AGAP1: variants seen among roughly 807,000 people sequenced by gnomAD.
AGAP1 encodes the protein arf-GAP with GTPase, ANK repeat and PH domain-containing protein 1.
A neutral mutation model predicts 105.3 loss-of-function variants in AGAP1; 29 were observed. The observed-to-expected ratio is 0.28, with a 90% CI of 0.21 to 0.38. The LOEUF is 0.38. AGAP1 is among the 10% of genes least tolerant of loss of function. The pLI is 1.00. For synonymous variants in AGAP1, 509 were observed against 485.9 expected (o/e 1.05, Z -0.63); for missense variants, 998 against 1,165.1 (o/e 0.86, Z 2.09).
At chr2:236,091,550 A>G (rs761079018) in intron 16 of AGAP1, among the ~76,000 whole-genome samples, 6 of 152,158 alleles carry the variant, frequency 3.9e-5, no homozygotes, top group Non-Finnish European at 7.3e-5. Flanking sequence ...GCAGGCAGAT[A>G]GCTTGAGCCA....
At chr2:236,072,757 G>A (rs2058536629) in intron 16 of AGAP1, among the ~76,000 whole-genome samples, 1 of 152,090 alleles carries the variant, frequency 6.6e-6, no homozygotes, top group South Asian at 2.1e-4. Context: ...ACTGCATCTA[G>A]CCCAAAAATA....
chr2:235,539,623 G>T (rs954629851), intron 1 of AGAP1, among the ~76,000 whole-genome samples: 19 of 152,182 alleles, frequency 1.2e-4, no homozygotes, highest in Non-Finnish European at 7.3e-5. Flanking sequence ...GGTGCAGGTG[G>T]CTGCAGTGTC....
At chr2:235,509,219 T>G (rs1941963292) in intron 1 of AGAP1, among the ~76,000 whole-genome samples, 1 of 151,362 alleles carries the variant, frequency 6.6e-6, no homozygotes, top group Non-Finnish European at 1.5e-5. Context: ...GAAGTGTTTT[T>G]TCTGTTGTTG....
At chr2:235,670,288 G>A (rs1948316739) in intron 1 of AGAP1, 2 of 442,554 alleles carry the variant, frequency 4.5e-6, no homozygotes, top group Non-Finnish European at 7.8e-6. Flanking sequence ...CGCGCTCCCC[G>A]GACGCGCCCG....
At chr2:235,851,448 C>A (rs1479664637) in intron 9 of AGAP1, among the ~76,000 whole-genome samples, 1 of 152,240 alleles carries the variant, frequency 6.6e-6, no homozygotes, top group East Asian at 1.9e-4. Context: ...TCCACCAACG[C>A]ACCATGTGCC....
Position 235,701,402 on chromosome 2 carries a change from C to T in AGAP1, c.164-7777C>T, listed in dbSNP as rs1950255755. Among the ~76,000 whole-genome samples, 1 of 151,910 alleles carries T rather than the reference C, an allele frequency of 6.6e-6. No individual in the cohort carries two copies. Among genetic ancestry groups the T allele is most frequent in the African/African-American group, 2.4e-5 (1 of 41,338 alleles). The stretch of plus-strand genomic sequence containing the variant: ...GCGTGGATGTACCTGCAGGGGTGGG[C>T]ATGGTGGCATCTTGGTGGCCAGGTG... On this transcript the variant is annotated intron_variant, in intron 1 of 17. Transcript: ENST00000304032. The surrounding 1 kb of genome is among the most constrained non-coding windows in gnomAD (Gnocchi z 4.1).
Position 235,715,298 on chromosome 2 carries a change from G to A in AGAP1, c.223-2259G>A, listed in dbSNP as rs556393655. 1.6e-3 allele frequency among the ~76,000 whole-genome samples: 249 copies of A among 152,292 alleles called. 3 individuals carry two copies. The highest frequency in any genetic ancestry group is 5.6e-3 in the African/African-American group (234 of 41,564). On this transcript the variant is annotated intron_variant, in intron 2 of 17. Coordinates refer to ENST00000304032, the MANE Select transcript of AGAP1 (RefSeq NM_001037131.3). The stretch of plus-strand genomic sequence containing the variant: ...GGGACTATGACAAGTGTACAGATTC[G>A]GAGCTGGTGTCTTGGCCCGTATCCA...
rs2059984856 is a variant in AGAP1 at position 236,125,267 on chromosome 2, TACAG to T, written c.*1149_*1152del. On this transcript the variant is annotated 3_prime_UTR_variant, in exon 18 of 18. Transcript: ENST00000304032. This position sits in a 1 kb window ranked among gnomAD's most constrained non-coding sequence, Gnocchi z 5.2. ...GTTCATAAATATGCATTGATTTTTGTACAGACAAATGGCACCTCTCTTAATTTAT... is the reference window on the plus strand; with the variant it reads ...GTTCATAAATATGCATTGATTTTTGTACAAATGGCACCTCTCTTAATTTAT... The T allele has an allele frequency of 6.5e-6, 1 of 152,910 alleles. No individual in the cohort carries two copies. The highest frequency in any genetic ancestry group is 6.5e-5 in the Admixed American group (1 of 15,284). 9.5% of individuals were successfully genotyped at this position (152,910 alleles called of 1,614,324 possible).
intron 6 of AGAP1, among the ~76,000 whole-genome samples, chr2:235,784,815 CA>C (rs1311194973): frequency 3.3e-5 from 5 of 152,104 alleles, no homozygotes; most frequent in Non-Finnish European, 7.4e-5. Context: ...AAAACTTCCC[CA>C]GAGGAACTTC....
chr2:235,547,454 G>A (rs1943663774), intron 1 of AGAP1, among the ~76,000 whole-genome samples: 1 of 151,600 alleles, frequency 6.6e-6, no homozygotes, highest in Non-Finnish European at 1.5e-5. Flanking sequence ...TGCCTCCCGG[G>A]TTCAAGCGAT....
At chr2:235,579,343 T>C (rs1044548232) in intron 1 of AGAP1, among the ~76,000 whole-genome samples, 11 of 152,226 alleles carry the variant, frequency 7.2e-5, no homozygotes, top group Non-Finnish European at 1.3e-4. Context: ...CCAGCCTTTT[T>C]GTTAAAACAA....
chr2:235,784,920 C>T (rs1331295580), intron 6 of AGAP1, among the ~76,000 whole-genome samples: 2 of 152,130 alleles, frequency 1.3e-5, no homozygotes, highest in Non-Finnish European at 2.9e-5. Flanking sequence ...ACTTAATGCA[C>T]AAAGCCCTGT....
intron 16 of AGAP1, among the ~76,000 whole-genome samples, chr2:236,103,638 C>T (rs1252408614): frequency 2.0e-5 from 3 of 151,510 alleles, no homozygotes; most frequent in African/African-American, 4.8e-5. Context: ...GGCGTGGTCT[C>T]GGCTCACAGT....
chr2:235,784,684 A>C (rs1433888046), intron 6 of AGAP1, among the ~76,000 whole-genome samples: 1 of 151,184 alleles, frequency 6.6e-6, no homozygotes, highest in East Asian at 2.0e-4. Flanking sequence ...AAAAAAATTT[A>C]CCTGGTTTAT....
chr2:236,013,459 G>A (rs922667964), intron 13 of AGAP1, among the ~76,000 whole-genome samples: 6 of 152,172 alleles, frequency 3.9e-5, no homozygotes, highest in African/African-American at 1.4e-4. Flanking sequence ...TTAACCTGTC[G>A]TAAGTCAGGA....
At chr2:235,772,027 ACT>A (rs1296447127) in intron 6 of AGAP1, among the ~76,000 whole-genome samples, 2 of 121,778 alleles carry the variant, frequency 1.6e-5, no homozygotes, top group Admixed American at 2.3e-4. Flanking sequence ...TTGGAGTCTC[ACT>A]CTGTTGCCCA....
At chr2:235,933,623 C>A (rs1473485106) in intron 12 of AGAP1, among the ~76,000 whole-genome samples, 1 of 151,624 alleles carries the variant, frequency 6.6e-6, no homozygotes, top group Non-Finnish European at 1.5e-5. Context: ...ACCTCCGCCT[C>A]CCGGACTCAA....
chr2:235,528,399 T>C (rs1394838551), intron 1 of AGAP1, among the ~76,000 whole-genome samples: 1 of 144,680 alleles, frequency 6.9e-6, no homozygotes, highest in African/African-American at 2.5e-5. Flanking sequence ...TCATTTTTAT[T>C]TCTTAGGCTT....
chr2:235,920,315 T>G (rs565662882), intron 11 of AGAP1, among the ~76,000 whole-genome samples: 1 of 152,190 alleles, frequency 6.6e-6, no homozygotes, highest in African/African-American at 2.4e-5. Context: ...CCACATGATA[T>G]CCACTCCCAA....
Sources: allele counts gnomAD v4.1 joint callset (sites outside exome capture counted in the v4.1 genomes callset), GRCh38; gene constraint gnomAD v4.1.1; non-coding constraint Gnocchi (gnomAD v3.1); transcripts MANE v1.5; gene names NCBI Gene and HGNC (gene_info 2026-07-23, HGNC 2026-07-21).